The following EXT1 variants were observed in gnomAD, a reference collection of about 807,000 sequenced individuals.
EXT1 encodes exostosin-1.
EXT1 carries 20 observed loss-of-function variants against 82.5 expected under a neutral mutation model. The ratio of observed to expected loss-of-function variants is 0.24; its 90% CI spans 0.17 to 0.35. The LOEUF is 0.35. Ranked by LOEUF, EXT1 falls within the 10% of genes least tolerant of loss-of-function variation. EXT1 has a pLI of 1.00. For missense variants in EXT1, 757 were observed against 936.5 expected (o/e 0.81, Z 2.50); for synonymous variants, 348 against 350.8 (o/e 0.99, Z 0.09).
chr8:118,110,791 G>T lies in EXT1; in HGVS notation c.256C>A (p.Arg86=), dbSNP rs760899584. Residue 86 remains arginine (R), a synonymous_variant, in exon 1 of 11, where the codon CGA becomes AGA. Coordinates refer to ENST00000378204, the MANE Select transcript of EXT1 (RefSeq NM_000127.3). ...TTGTAGATGCTGGAGTTGGCATCTC[G>T]CTTCTGCCGGGGGGAAATGTGCACG... ...SSVHISPRQK[R]DANSSIYKGK... The T allele has an allele frequency of 6.2e-7, 1 of 1,613,590 alleles. No individual in the cohort carries two copies. The highest frequency in any genetic ancestry group is 8.5e-7 in the Non-Finnish European group (1 of 1,179,590).
intron 1 of EXT1, among the ~76,000 whole-genome samples, chr8:117,882,744 A>C (rs1586262152): frequency 6.6e-6 from 1 of 152,238 alleles, no homozygotes; most frequent in African/African-American, 2.4e-5. Flanking sequence ...TGGGAGGCTG[A>C]GGCAGGTGGA....
At chr8:117,980,277 C>G (rs1299157712) in intron 1 of EXT1, among the ~76,000 whole-genome samples, 1 of 152,160 alleles carries the variant, frequency 6.6e-6, no homozygotes, top group Non-Finnish European at 1.5e-5. Flanking sequence ...GTCCTTCCCC[C>G]TCTCTTTTCC....
chr8:117,804,702 G>A lies in EXT1; in HGVS notation c.2055+20C>T, dbSNP rs756485360. 1 of 1,613,816 alleles carries A rather than the reference G, an allele frequency of 6.2e-7. No homozygotes were observed. Among genetic ancestry groups the A allele is most frequent in the Non-Finnish European group, 8.5e-7 (1 of 1,179,746 alleles). ...ACCACCAGTGAGTGAAGCAAGGGAA[G>A]AGGGCTCTTCTATACTTACCTGTCC... On this transcript the variant is annotated intron_variant, in intron 10 of 10. Transcript: ENST00000378204.
chr8:117,903,641 C>T (rs1008208875), intron 1 of EXT1, among the ~76,000 whole-genome samples: 13 of 152,126 alleles, frequency 8.5e-5, no homozygotes, highest in African/African-American at 3.1e-4. Context: ...GATTAAACTC[C>T]CATTTTCCTC....
intron 1 of EXT1, among the ~76,000 whole-genome samples, chr8:117,944,037 G>A (rs979336200): frequency 1.3e-5 from 2 of 152,162 alleles, no homozygotes; most frequent in African/African-American, 4.8e-5. Flanking sequence ...AAAGACAGAA[G>A]GGAGATCAAA....
In EXT1 at chr8:117,837,145, C is replaced by T. The variant is rs119103287; in HGVS notation, c.1019G>A (p.Arg340His). Residue 340 changes from arginine (R) to histidine (H), a missense_variant, in exon 2 of 11, where the codon CGC (arginine) becomes CAC (histidine). By Grantham distance (29) the Arg-to-His change is conservative (BLOSUM62 0). Transcript: ENST00000378204. ...NATFCLVPRG[R>H]RLGSFRFLEA... is the part of the protein sequence containing the mutation. Reference sequence around the variant, plus strand: ...CAGGAATCTGAAGGACCCAAGCCTGCGACCACGAGGAACCAGACAGAAAGT... The same window carrying T: ...CAGGAATCTGAAGGACCCAAGCCTGTGACCACGAGGAACCAGACAGAAAGT... The T allele has an allele frequency of 2.5e-6, 4 of 1,613,978 alleles. No individual in the cohort carries two copies. The highest frequency in any genetic ancestry group is 1.3e-5 in the African/African-American group (1 of 75,024).
chr8:117,990,106 G>T (rs1815402920), intron 1 of EXT1, among the ~76,000 whole-genome samples: 1 of 152,128 alleles, frequency 6.6e-6, no homozygotes, highest in South Asian at 2.1e-4. Flanking sequence ...CCAGGAGGCA[G>T]AGGCTGTTAT....
rs1014987147 is a variant in EXT1, at chr8:118,111,447, G to C, written c.-401C>G. 3 of 532,068 alleles carry C rather than the reference G, an allele frequency of 5.6e-6. No individual in the cohort carries two copies. Among genetic ancestry groups the C allele is most frequent in the Non-Finnish European group, 9.9e-6 (3 of 304,446 alleles). 33.0% of individuals were successfully genotyped at this position (532,068 alleles called of 1,614,324 possible). A position where few individuals can be genotyped will look rare whatever the true frequency, so the allele number is the denominator to read the frequency against. ...TTGCCTTGCCTCTCGGATTCCTCTC[G>C]GCAGCGTGGAAAATGAGCCCCGGGA... On this transcript the variant is annotated 5_prime_UTR_variant, in exon 1 of 11. Transcript: ENST00000378204.
chr8:117,947,931 C>G, intron 1 of EXT1, among the ~76,000 whole-genome samples: 1 of 152,256 alleles, frequency 6.6e-6, no homozygotes, highest in East Asian at 1.9e-4. Flanking sequence ...GTGGGCCTCT[C>G]ATTTAAGGAG....
intron 1 of EXT1, among the ~76,000 whole-genome samples, chr8:117,841,215 G>A (rs540054665): frequency 6.6e-6 from 1 of 152,232 alleles, no homozygotes; most frequent in African/African-American, 2.4e-5. Context: ...TACATCCATA[G>A]CCTACAATCC....
At chr8:117,963,935 C>A (rs999821813) in intron 1 of EXT1, among the ~76,000 whole-genome samples, 12 of 152,178 alleles carry the variant, frequency 7.9e-5, no homozygotes, top group African/African-American at 2.9e-4. Flanking sequence ...TACATGCAAC[C>A]CACATCCCCT....
chr8:117,968,553 ATTTTTTTTTTTTTTTTT>A (rs1182180428), intron 1 of EXT1, among the ~76,000 whole-genome samples: 5 of 9,296 alleles, frequency 5.4e-4, no homozygotes, highest in East Asian at 4.0e-3. Flanking sequence ...TTATTTATTT[ATTTTTTTTTTTTTTTTT>A]TTTTTTTTTT....
At position 117,797,486 on chromosome 8, in the gene EXT1, A is replaced by G. The variant is rs1157368309; in HGVS notation, c.*2226T>C. On this transcript the variant is annotated 3_prime_UTR_variant, in exon 11 of 11. Coordinates refer to ENST00000378204, the MANE Select transcript of EXT1 (RefSeq NM_000127.3). ...GTGACTGACTGGTACAATTAGGGACATTGCTTTGCAAGCCAATATGACCAC... is the reference window on the plus strand; with the variant it reads ...GTGACTGACTGGTACAATTAGGGACGTTGCTTTGCAAGCCAATATGACCAC... 6.6e-6 allele frequency: 1 copy of G among 152,260 alleles called. No individual in the cohort carries two copies. Among genetic ancestry groups the G allele is most frequent in the Non-Finnish European group, 1.5e-5 (1 of 68,048 alleles). The allele number at this position is 152,260 out of a possible 1,614,324, so 9.4% of individuals were successfully genotyped here.
intron 1 of EXT1, among the ~76,000 whole-genome samples, chr8:117,897,896 C>T (rs926575685): frequency 3.5e-4 from 53 of 152,208 alleles, no homozygotes; most frequent in African/African-American, 1.2e-3. Context: ...AACCACCGCA[C>T]CCAGCCGCCT....
Position 117,798,848 on chromosome 8 carries a change from G to A in EXT1, c.*864C>T, listed in dbSNP as rs1394589858. 1 of 152,212 alleles carries A rather than the reference G, an allele frequency of 6.6e-6. No homozygotes were observed. The highest frequency in any genetic ancestry group is 1.5e-5 in the Non-Finnish European group (1 of 68,050). 9.4% of individuals were successfully genotyped at this position (152,212 alleles called of 1,614,324 possible). The stretch of plus-strand genomic sequence containing the variant: ...CTCTTCCCAGTGCTACGCAGACTTA[G>A]GTCAATGGTTGAATCTATAACCGTG... On this transcript the variant is annotated 3_prime_UTR_variant, in exon 11 of 11. Coordinates refer to ENST00000378204, the MANE Select transcript of EXT1 (RefSeq NM_000127.3).
chr8:117,944,038 G>A (rs1033125790), intron 1 of EXT1, among the ~76,000 whole-genome samples: 2 of 152,138 alleles, frequency 1.3e-5, no homozygotes, highest in African/African-American at 2.4e-5. Context: ...AAGACAGAAG[G>A]GAGATCAAAA....
intron 9 of EXT1, among the ~76,000 whole-genome samples, chr8:117,805,891 C>T (rs1407111552): frequency 6.6e-6 from 1 of 152,176 alleles, no homozygotes; most frequent in Non-Finnish European, 1.5e-5. Context: ...TGTATCTCCA[C>T]CCCTGAGCTT....
At chr8:118,015,826 G>A (rs537058970) in intron 1 of EXT1, among the ~76,000 whole-genome samples, 1 of 152,288 alleles carries the variant, frequency 6.6e-6, no homozygotes, top group Admixed American at 6.5e-5. Context: ...GTTGACTGCT[G>A]TCCTTATAAA....
intron 1 of EXT1, among the ~76,000 whole-genome samples, chr8:118,093,189 C>CA (rs34509996): frequency 2.9e-5 from 4 of 140,306 alleles, no homozygotes; most frequent in Admixed American, 2.2e-4. Context: ...CCCCACCCCC[C>CA]AAAAAAGCCC....
Sources: allele counts gnomAD v4.1 joint callset (sites outside exome capture counted in the v4.1 genomes callset), GRCh38; gene constraint gnomAD v4.1.1; transcripts MANE v1.5; gene names NCBI Gene and HGNC (gene_info 2026-07-23, HGNC 2026-07-21).